The following CDH4 variants were observed in gnomAD, a reference collection of about 807,000 sequenced individuals.
CDH4 encodes cadherin-4.
A neutral mutation model predicts 86.0 loss-of-function variants in CDH4; 33 were observed. The ratio of observed to expected loss-of-function variants is 0.38; its 90% CI spans 0.29 to 0.51. The LOEUF is 0.51. Ranked by LOEUF, CDH4 falls within the 20% of genes least tolerant of loss-of-function variation. The pLI is 0.86. For missense variants in CDH4, 1,114 were observed against 1,307.4 expected, an observed-to-expected ratio of 0.85 and a Z score of 2.28; for synonymous variants, 555 against 549.4, an observed-to-expected ratio of 1.01 and a Z score of -0.14.
At position 61,709,300 on chromosome 20, in the gene CDH4, C is replaced by T. The variant is rs573791106; in HGVS notation, c.170-34263C>T. On this transcript the variant is annotated intron_variant, in intron 2 of 15. Coordinates refer to ENST00000614565, the MANE Select transcript of CDH4 (RefSeq NM_001794.5). This position sits in a 1 kb window ranked among gnomAD's most constrained non-coding sequence, Gnocchi z 4.8. The stretch of plus-strand genomic sequence containing the variant: ...TATTTATTTATTTATTTTCTGAGAG[C>T]GTCTTGCTCTGTTGCCCAGGCTGTA... Among the ~76,000 whole-genome samples the T allele has an allele frequency of 8.5e-5, 13 of 152,244 alleles. No homozygotes were observed. The highest frequency in any genetic ancestry group is 1.3e-4 in the Non-Finnish European group (9 of 68,020).
chr20:61,653,356 A>G (rs1195267093), intron 2 of CDH4, among the ~76,000 whole-genome samples: 2,085 of 137,454 alleles, frequency 0.015, 44 homozygotes, highest in African/African-American at 0.052. Context: ...AGACACGGCA[A>G]CCATCCGATT....
At chr20:61,839,444 TTGAG>T (rs1325866130) in intron 4 of CDH4, among the ~76,000 whole-genome samples, 12 of 151,392 alleles carry the variant, frequency 7.9e-5, no homozygotes, top group African/African-American at 1.5e-4. Flanking sequence ...TGTTTGTGTA[TTGAG>T]TATGTGTTGT....
chr20:61,571,154 C>G (rs956950211), intron 2 of CDH4, among the ~76,000 whole-genome samples: 24 of 152,196 alleles, frequency 1.6e-4, no homozygotes, highest in Non-Finnish European at 3.1e-4. Context: ...TTTCCTGTGT[C>G]CAGCCTCTTC....
In CDH4 at chr20:61,784,334, C is replaced by T. The variant is rs113505876; in HGVS notation, c.576+11152C>T. ...CAAGAGAAATGTAATCCCAGTTCCT[C>T]GGGACAGTTCTCAAGGCCCTCCGAT... On this transcript the variant is annotated intron_variant, in intron 4 of 15. Coordinates refer to ENST00000614565, the MANE Select transcript of CDH4 (RefSeq NM_001794.5). Among the ~76,000 whole-genome samples, 65 of 14,248 alleles carry T rather than the reference C, an allele frequency of 4.6e-3. 1 individual carries two copies. Among genetic ancestry groups the T allele is most frequent in the South Asian group, 0.019 (6 of 318 alleles). 9.3% of individuals were successfully genotyped at this position (14,248 alleles called of 152,430 possible).
rs951651236 is a variant in CDH4, at chr20:61,315,151, G to A, written c.169+60214G>A. The stretch of plus-strand genomic sequence containing the variant: ...GGTGCATAGGGGCTCAAGGGGGACC[G>A]GCCTCATCCTGAAGCTCATCTCATT... On this transcript the variant is annotated intron_variant, in intron 2 of 15. Coordinates refer to ENST00000614565, the MANE Select transcript of CDH4 (RefSeq NM_001794.5). Among the ~76,000 whole-genome samples, 9 of 152,062 alleles carry A rather than the reference G, an allele frequency of 5.9e-5. No individual in the cohort carries two copies. The South Asian group carries it at 8.3e-4, about 14-fold the overall frequency.
At chr20:61,932,778 C>T (rs1475952753) in intron 13 of CDH4, among the ~76,000 whole-genome samples, 1 of 152,258 alleles carries the variant, frequency 6.6e-6, no homozygotes, top group Non-Finnish European at 1.5e-5. Flanking sequence ...ACGTGGGCCG[C>T]ACATGTGCAC....
chr20:61,258,347 A>AAAAAG (rs1568770409), intron 2 of CDH4, among the ~76,000 whole-genome samples: 12 of 109,920 alleles, frequency 1.1e-4, no homozygotes, highest in African/African-American at 3.3e-4. Context: ...AAAAAAAAAG[A>AAAAAG]AAAAAAAAAA....
rs2055011285 is a variant in CDH4, at chr20:61,923,681, C to T, written c.1605C>T (p.Asp535=). ...VLTTFSAVDP[D]RFMQQAVRYS... ...CCACGTTTTCAGCTGTGGACCCTGACCGGTTCATGCAGCAGGCTGTGAGGT... is the reference window on the plus strand; with the variant it reads ...CCACGTTTTCAGCTGTGGACCCTGATCGGTTCATGCAGCAGGCTGTGAGGT... The change falls in exon 10 of 16, where the codon GAC becomes GAT. Residue 535 remains aspartate, a synonymous_variant. Coordinates refer to ENST00000614565, the MANE Select transcript of CDH4 (RefSeq NM_001794.5). 6.2e-7 allele frequency: 1 copy of T among 1,613,842 alleles called. No individual in the cohort carries two copies. Among genetic ancestry groups the T allele is most frequent in the Non-Finnish European group, 8.5e-7 (1 of 1,180,040 alleles).
At chr20:61,557,426 T>A (rs969879742) in intron 2 of CDH4, among the ~76,000 whole-genome samples, 1 of 152,198 alleles carries the variant, frequency 6.6e-6, no homozygotes, top group African/African-American at 2.4e-5. Context: ...TGACTTTCAC[T>A]AAGACCACAC....
chr20:61,752,329 C>CAAAA (rs34828485), intron 3 of CDH4, among the ~76,000 whole-genome samples: 20 of 83,026 alleles, frequency 2.4e-4, no homozygotes, highest in South Asian at 4.1e-4. Context: ...AAAAGCCTGT[C>CAAAA]AAAAAAAAAA....
At chr20:61,873,578 A>C (rs1983893152) in intron 6 of CDH4, 150 bp from the exon 7 acceptor site, 1 of 748,220 alleles carries the variant, frequency 1.3e-6, no homozygotes, top group Non-Finnish European at 2.2e-6. Flanking sequence ...AGGTGCACTA[A>C]CACCACCTCT....
intron 9 of CDH4, among the ~76,000 whole-genome samples, chr20:61,923,169 C>G (rs1352575593): frequency 6.6e-6 from 1 of 152,180 alleles, no homozygotes; most frequent in Non-Finnish European, 1.5e-5. Context: ...CTGCAGCCCC[C>G]CCAGGAGGAG....
At chr20:61,672,549 G>A (rs548430690) in intron 2 of CDH4, among the ~76,000 whole-genome samples, 1 of 152,164 alleles carries the variant, frequency 6.6e-6, no homozygotes, top group Non-Finnish European at 1.5e-5. Flanking sequence ...TTGCTGTGTA[G>A]TAAGGGCTCT....
At chr20:61,600,160 G>C (rs1320072504) in intron 2 of CDH4, among the ~76,000 whole-genome samples, 1 of 152,260 alleles carries the variant, frequency 6.6e-6, no homozygotes, top group Admixed American at 6.5e-5. Flanking sequence ...CAGGTCCCGC[G>C]CGAGGGCGTG....
At chr20:61,683,640 G>A (rs757106711) in intron 2 of CDH4, among the ~76,000 whole-genome samples, 11 of 152,214 alleles carry the variant, frequency 7.2e-5, no homozygotes, top group African/African-American at 1.2e-4. Context: ...AGAGTGAGAT[G>A]CATACTTTGT....
Position 61,938,356 on chromosome 20 carries a change from T to C in CDH4, c.*1413T>C, listed in dbSNP as rs2055221779. On this transcript the variant is annotated 3_prime_UTR_variant, in exon 16 of 16. Transcript: ENST00000614565. ...ACAGCGCTCGGCTGCCTGTGCTCACTGCATGAGAAAACTCAGAGGGTGCAT... is the reference window on the plus strand; with the variant it reads ...ACAGCGCTCGGCTGCCTGTGCTCACCGCATGAGAAAACTCAGAGGGTGCAT... 1 of 152,342 alleles carries C rather than the reference T, an allele frequency of 6.6e-6. No homozygotes were observed. Among genetic ancestry groups the C allele is most frequent in the Admixed American group, 6.5e-5 (1 of 15,286 alleles). The allele number at this position is 152,342 out of a possible 1,614,324, so 9.4% of individuals were successfully genotyped here.
At chr20:61,832,203 G>T (rs143492405) in intron 4 of CDH4, among the ~76,000 whole-genome samples, 1 of 152,234 alleles carries the variant, frequency 6.6e-6, no homozygotes, top group African/African-American at 2.4e-5. Flanking sequence ...GGGAGCTGGT[G>T]GGTCAGAGCA....
At chr20:61,601,052 C>G (rs2086596770) in intron 2 of CDH4, among the ~76,000 whole-genome samples, 1 of 152,154 alleles carries the variant, frequency 6.6e-6, no homozygotes, top group Admixed American at 6.5e-5. Context: ...AAAGACATAC[C>G]TGAGGCTGAG....
intron 2 of CDH4, among the ~76,000 whole-genome samples, chr20:61,656,288 CGTGCTGGGGTGGGT>C (rs2087188489): frequency 2.0e-5 from 2 of 99,142 alleles, no homozygotes; most frequent in Admixed American, 1.2e-4. Context: ...TGGGCAGGCG[CGTGCTGGGGTGGGT>C]AGGCACGTGC....
Sources: allele counts gnomAD v4.1 joint callset (sites outside exome capture counted in the v4.1 genomes callset), GRCh38; gene constraint gnomAD v4.1.1; non-coding constraint Gnocchi (gnomAD v3.1); transcripts MANE v1.5; gene names NCBI Gene and HGNC (gene_info 2026-07-23, HGNC 2026-07-21).